Variants in FOLH1 observed in about 807,000 individuals in gnomAD.
The protein encoded by FOLH1 is glutamate carboxypeptidase 2.
A neutral mutation model predicts 93.9 loss-of-function variants in FOLH1; 54 were observed. The observed-to-expected ratio is 0.57, with a 90% CI of 0.46 to 0.72. FOLH1 has a LOEUF of 0.72. FOLH1 is among the 30% of genes least tolerant of loss of function. The pLI is 0.00. For missense variants in FOLH1, 571 were observed against 892.5 expected (o/e 0.64, Z 4.59); for synonymous variants, 249 against 303.6 (o/e 0.82, Z 1.87).
intron 3 of FOLH1, among the ~76,000 whole-genome samples, chr11:49,195,656 T>A (rs529489635): frequency 6.6e-6 from 1 of 150,690 alleles, no homozygotes; most frequent in South Asian, 2.1e-4. Flanking sequence ...ATTTGACATA[T>A]CCCTCTCAAG....
At chr11:49,156,076 A>T (rs1408985300) in intron 15 of FOLH1, among the ~76,000 whole-genome samples, 1 of 151,576 alleles carries the variant, frequency 6.6e-6, no homozygotes, top group Non-Finnish European at 1.5e-5. Context: ...GTTCCCCTGT[A>T]TATGCTCTCT....
intron 4 of FOLH1, among the ~76,000 whole-genome samples, chr11:49,188,530 A>G (rs1861671818): frequency 6.8e-6 from 1 of 146,442 alleles, no homozygotes; most frequent in Non-Finnish European, 1.5e-5. Flanking sequence ...AAAAAAAAAG[A>G]TAGATTAAGT....
chr11:49,185,840 G>C lies in FOLH1; in HGVS notation c.655C>G (p.Leu219Val), dbSNP rs146923992. 4 of 1,545,196 alleles carry C rather than the reference G, an allele frequency of 2.6e-6. No individual in the cohort carries two copies. In the African/African-American group the frequency reaches 5.6e-5, roughly 22 times the overall value. ...FRGNKVKNAQ[L>V]AGAKGVILYS... ...AGAATGACTCCTTTGGCCCCTGCCA[G>C]CTGGGCATTTTTAACCTAGAAAACA... Residue 219 changes from leucine to valine, a missense_variant, in exon 6 of 19, where the codon CTG (leucine) becomes GTG (valine). Leu to Val is a conservative substitution (Grantham distance 32, BLOSUM62 1). Transcript: ENST00000256999.
At chr11:49,194,184 T>TAAATTCAA (rs1337043371) in intron 3 of FOLH1, among the ~76,000 whole-genome samples, 1 of 136,812 alleles carries the variant, frequency 7.3e-6, no homozygotes, top group East Asian at 2.1e-4. Flanking sequence ...GGGTTAAGGA[T>TAAATTCAA]AAATTCAAAA....
At chr11:49,175,049 A>G in intron 8 of FOLH1, 72 bp from the exon 9 acceptor site, 1 of 1,368,136 alleles carries the variant, frequency 7.3e-7, no homozygotes, top group Non-Finnish European at 1.0e-6. Context: ...GGTTTAAGGG[A>G]ATTTTCCCCT....
chr11:49,164,711 T>C lies in FOLH1; in HGVS notation c.1434A>G (p.Thr478=), dbSNP rs1324417027. ...PLMYSLVHNL[T]KELKSPDEGF... Reference sequence around the variant, plus strand: ...ATTATATGTAATTATATACCTCTTTTGTTAGGTTGTGTACCAAGCTGTACA... The same window carrying C: ...ATTATATGTAATTATATACCTCTTTCGTTAGGTTGTGTACCAAGCTGTACA... Residue 478 remains threonine, a synonymous_variant, in exon 13 of 19, where the codon ACA becomes ACG. Transcript: ENST00000256999. 4 of 1,594,882 alleles carry C rather than the reference T, an allele frequency of 2.5e-6. No homozygotes were observed. The African/African-American group carries it at 4.0e-5, about 16-fold the overall frequency.
chr11:49,191,058 C>T (rs1158934704), intron 4 of FOLH1, among the ~76,000 whole-genome samples: 3 of 152,180 alleles, frequency 2.0e-5, no homozygotes, highest in Non-Finnish European at 4.4e-5. Flanking sequence ...GGCAGATCAC[C>T]TGAGGTCAGG....
At position 49,175,935 on chromosome 11, in the gene FOLH1, G is replaced by C. The variant is rs1387860568; in HGVS notation, c.943C>G (p.Pro315Ala). The change falls in exon 8 of 19, where the codon CCA (proline) becomes GCA (alanine). Residue 315 changes from proline (P) to alanine (A), a missense_variant. By Grantham distance (27) the Pro-to-Ala change is conservative. This residue lies in a region of FOLH1 where 500 missense variants were observed against 822.9 expected (regional missense o/e 0.61). Coordinates refer to ENST00000256999, the MANE Select transcript of FOLH1 (RefSeq NM_004476.3). ...LLEKMGGSAPPDSSWRGSLKV... is the reference protein window; with the variant it reads ...LLEKMGGSAPADSSWRGSLKV... ...AGACTTCCTCTCCAGCTGCTATCTGGTGGTGCTGAGCCACCCATTTTTCTA... is the reference window on the plus strand; with the variant it reads ...AGACTTCCTCTCCAGCTGCTATCTGCTGGTGCTGAGCCACCCATTTTTCTA... 6.2e-7 allele frequency: 1 copy of C among 1,613,632 alleles called. No individual in the cohort carries two copies.
chr11:49,208,128 C>G (rs1055790609), intron 1 of FOLH1, 164 bp downstream of exon 1: 2 of 622,150 alleles, frequency 3.2e-6, no homozygotes, highest in South Asian at 2.0e-5. Context: ...CCCAGCTACC[C>G]TCCTCCTAAC....
intron 14 of FOLH1, 109 bp downstream of exon 14, chr11:49,157,843 T>C: frequency 2.9e-6 from 3 of 1,033,344 alleles, no homozygotes; most frequent in Non-Finnish European, 4.1e-6. Context: ...TATCAGATTT[T>C]AGACCATTTT....
At chr11:49,160,188 T>C (rs1403798770) in intron 13 of FOLH1, among the ~76,000 whole-genome samples, 1 of 152,210 alleles carries the variant, frequency 6.6e-6, no homozygotes, top group Non-Finnish European at 1.5e-5. Flanking sequence ...TTATCATTTC[T>C]GACGGTGTTT....
rs1205432428 is a variant in FOLH1, at chr11:49,146,355, C to T, written c.*401G>A. On this transcript the variant is annotated 3_prime_UTR_variant, in exon 19 of 19. Transcript: ENST00000256999. ...TCTCAGCCCAGGCTGGCCAGGTAGG[C>T]CGTGAGGCCTCTGGCTTGGGATAAT... Among the ~76,000 whole-genome samples, 4 of 152,214 alleles carry T rather than the reference C, an allele frequency of 2.6e-5. No individual in the cohort carries two copies. The highest frequency in any genetic ancestry group is 4.4e-5 in the Non-Finnish European group (3 of 68,038).
At chr11:49,148,488 AACAAT>A (rs1466301679) in intron 18 of FOLH1, 146 bp downstream of exon 18, 1 of 519,876 alleles carries the variant, frequency 1.9e-6, no homozygotes, top group African/African-American at 2.0e-5. Flanking sequence ...TATATGAAGA[AACAAT>A]ACAACTATCA....
chr11:49,205,485 A>G (rs1341228397), intron 2 of FOLH1, among the ~76,000 whole-genome samples: 2 of 152,142 alleles, frequency 1.3e-5, no homozygotes, highest in Non-Finnish European at 2.9e-5. Context: ...AAGGTTAAGT[A>G]TTCATCCAAA....
chr11:49,147,060 T>C (rs598841), intron 18 of FOLH1, 115 bp from the exon 19 acceptor site: 121,899 of 788,780 alleles, frequency 0.15, 10,152 homozygotes, highest in African/African-American at 0.27. Context: ...AACAAGCCAC[T>C]TGTCAACTGA....
At chr11:49,166,956 G>A (rs1858478101) in intron 12 of FOLH1, among the ~76,000 whole-genome samples, 1 of 152,018 alleles carries the variant, frequency 6.6e-6, no homozygotes, top group Non-Finnish European at 1.5e-5. Context: ...GGCTGACGGG[G>A]GAGGATCAGT....
intron 7 of FOLH1, among the ~76,000 whole-genome samples, chr11:49,182,089 G>C (rs1422045369): frequency 3.9e-5 from 6 of 152,044 alleles, no homozygotes; most frequent in Non-Finnish European, 8.8e-5. Flanking sequence ...AGCACTTTGG[G>C]AGGCCAAGGA....
At chr11:49,170,953 A>C (rs1022893718) in intron 11 of FOLH1, among the ~76,000 whole-genome samples, 2 of 152,208 alleles carry the variant, frequency 1.3e-5, no homozygotes, top group Non-Finnish European at 2.9e-5. Flanking sequence ...CCAGGAAATA[A>C]AGATAAATTA....
At chr11:49,146,995 G>C in intron 18 of FOLH1, 50 bp from the exon 19 acceptor site, 1 of 1,575,262 alleles carries the variant, frequency 6.3e-7, no homozygotes, top group Non-Finnish European at 8.6e-7. Context: ...TGATATACAA[G>C]AGAAACACAA....
Sources: allele counts gnomAD v4.1 joint callset (sites outside exome capture counted in the v4.1 genomes callset), GRCh38; gene constraint gnomAD v4.1.1; regional missense constraint gnomAD v4.1.1; transcripts MANE v1.5; gene names NCBI Gene and HGNC (gene_info 2026-07-23, HGNC 2026-07-21).